Variants in FRMPD4 observed in about 807,000 individuals in gnomAD.
The protein encoded by FRMPD4 is FERM and PDZ domain-containing protein 4.
Under a neutral mutation model 94.1 loss-of-function variants are expected in FRMPD4, and 22 were observed. That is an observed-to-expected ratio of 0.23 (90% CI 0.17 to 0.33). The LOEUF (loss-of-function observed/expected upper bound fraction) is 0.33, where lower values mean the gene tolerates loss of function less well. Among genes scored for constraint, FRMPD4 ranks in the 10% least tolerant of loss-of-function variants. FRMPD4 has a pLI of 1.00. For missense variants in FRMPD4, 1,111 were observed against 1,339.9 expected (o/e 0.83, Z 2.67); for synonymous variants, 631 against 548.6 (o/e 1.15, Z -2.10).
chrX:12,418,078 G>A (rs2056831699), intron 1 of FRMPD4, among the ~76,000 whole-genome samples: 1 of 109,685 alleles, frequency 9.1e-6, no homozygotes, highest in South Asian at 3.9e-4. Flanking sequence ...AGACTCATGG[G>A]GCTCGTGACA....
intron 1 of FRMPD4, among the ~76,000 whole-genome samples, chrX:12,328,591 A>G (rs1250807683): frequency 8.9e-6 from 1 of 112,782 alleles, no homozygotes; most frequent in Non-Finnish European, 1.9e-5. Flanking sequence ...TAAGACAGTG[A>G]AAATTGGAAA....
At chrX:12,033,103 G>A (rs756252215) in intron 3 of FRMPD4, among the ~76,000 whole-genome samples, 1 of 112,428 alleles carries the variant, frequency 8.9e-6, no homozygotes, top group African/African-American at 3.2e-5. Flanking sequence ...TACAGTGGTT[G>A]TCAGCATCTT....
In FRMPD4 at chrX:11,921,471, T is replaced by C. The variant is rs185726368; in HGVS notation, c.95+43453T>C. Reference sequence around the variant, plus strand: ...ATCACATTGGGGGTTAGGGTTTCAATTTATGCATTTGTGGGGGGACATGAT... The same window carrying C: ...ATCACATTGGGGGTTAGGGTTTCAACTTATGCATTTGTGGGGGGACATGAT... On this transcript the variant is annotated intron_variant, in intron 3 of 18. Transcript: ENST00000640291. 4.6e-5 allele frequency among the ~76,000 whole-genome samples: 5 copies of C among 109,841 alleles called. No individual in the cohort carries two copies. In the East Asian group the frequency reaches 1.6e-3, roughly 35 times the overall value.
At chrX:12,613,141 T>C (rs1276486579) in intron 3 of FRMPD4, among the ~76,000 whole-genome samples, 1 of 112,353 alleles carries the variant, frequency 8.9e-6, no homozygotes, top group Non-Finnish European at 1.9e-5. Flanking sequence ...TGTGGAAATA[T>C]AGTTAAAATT....
At chrX:12,538,995 A>G (rs909223730) in intron 2 of FRMPD4, among the ~76,000 whole-genome samples, 2 of 112,149 alleles carry the variant, frequency 1.8e-5, no homozygotes, top group Middle Eastern at 4.6e-3. Flanking sequence ...CTGCGAGCTA[A>G]AGGAGGAAGT....
intron 3 of FRMPD4, among the ~76,000 whole-genome samples, chrX:12,069,924 A>T (rs1368811208): frequency 8.9e-6 from 1 of 111,758 alleles, no homozygotes. Context: ...GATGGAGAAA[A>T]AACGACCTGA....
chrX:12,350,860 GAGA>G (rs2055791520), intron 1 of FRMPD4, among the ~76,000 whole-genome samples: 1 of 112,421 alleles, frequency 8.9e-6, no homozygotes, highest in Non-Finnish European at 1.9e-5. Flanking sequence ...AAAACATTTG[GAGA>G]AGATGTGCTT....
At chrX:11,968,488 C>T (rs2054323633) in intron 3 of FRMPD4, among the ~76,000 whole-genome samples, 1 of 111,546 alleles carries the variant, frequency 9.0e-6, no homozygotes, top group African/African-American at 3.3e-5. Flanking sequence ...TGAACTGCTA[C>T]TGTTTGTAAA....
At chrX:12,055,195 G>T (rs2054847413) in intron 3 of FRMPD4, among the ~76,000 whole-genome samples, 1 of 111,987 alleles carries the variant, frequency 8.9e-6, no homozygotes, top group Non-Finnish European at 1.9e-5. Context: ...ATAAGAGTTT[G>T]CCTGCTTTGG....
chrX:12,120,839 A>AT (rs1475103548), intron 3 of FRMPD4, among the ~76,000 whole-genome samples: 1 of 111,300 alleles, frequency 9.0e-6, no homozygotes, highest in African/African-American at 3.3e-5. Flanking sequence ...CTACCACCAA[A>AT]TAGTGAGAAC....
At chrX:11,978,321 C>CAAAAAAAAAAAAAAAAAAAAAAA (rs1172824155) in intron 3 of FRMPD4, among the ~76,000 whole-genome samples, 1 of 16,355 alleles carries the variant, frequency 6.1e-5, no homozygotes, top group African/African-American at 2.2e-4. Context: ...AACTCCATCT[C>CAAAAAAAAAAAAAAAAAAAAAAA]AAAAAAAAAA....
intron 2 of FRMPD4, among the ~76,000 whole-genome samples, chrX:12,587,335 T>G (rs1421573609): frequency 4.5e-5 from 5 of 111,897 alleles, no homozygotes; most frequent in African/African-American, 1.6e-4. Context: ...CTAGTTACAT[T>G]TAATACATTC....
chrX:12,035,439 A>G (rs1175257708), intron 3 of FRMPD4, among the ~76,000 whole-genome samples: 1 of 111,952 alleles, frequency 8.9e-6, no homozygotes, highest in Non-Finnish European at 1.9e-5. Context: ...GACTCTAGGG[A>G]TCTTTCTATT....
At chrX:12,710,601 A>C in intron 14 of FRMPD4, 64 bp downstream of exon 14, 2 of 1,022,290 alleles carry the variant, frequency 2.0e-6, no homozygotes, top group Non-Finnish European at 2.7e-6. Flanking sequence ...GACAACAATA[A>C]TAAGGATGTT....
chrX:12,340,376 A>AAG (rs112011597), intron 1 of FRMPD4, among the ~76,000 whole-genome samples: 19,839 of 111,291 alleles, frequency 0.18, 4,456 homozygotes, highest in African/African-American at 0.62. Context: ...TATATGAGAG[A>AAG]AGAGAGAGAA....
At chrX:12,694,685 C>T (rs900316093) in intron 9 of FRMPD4, among the ~76,000 whole-genome samples, 1 of 112,119 alleles carries the variant, frequency 8.9e-6, no homozygotes, top group Admixed American at 9.4e-5. Flanking sequence ...CACCCAGATT[C>T]ACCAGTTGTT....
rs748123510 is a variant in FRMPD4, at chrX:11,829,624, T to C, written c.-161+6909T>C. On this transcript the variant is annotated intron_variant, in intron 1 of 18. Coordinates refer to the FRMPD4 transcript ENST00000640291. ...TAGTTTGGAAGGATTAGTGTCCTGC[T>C]TCATAAGTCTATTTTTGAAGATCAG... 2.7e-5 allele frequency among the ~76,000 whole-genome samples: 3 copies of C among 111,591 alleles called. No individual in the cohort carries two copies. The East Asian group carries it at 8.5e-4, about 31-fold the overall frequency.
At chrX:12,256,560 C>G (rs1203009562) in intron 1 of FRMPD4, among the ~76,000 whole-genome samples, 2 of 111,795 alleles carry the variant, frequency 1.8e-5, no homozygotes, top group Non-Finnish European at 3.8e-5. Flanking sequence ...GGGATAATCT[C>G]AAAAGACTAT....
At chrX:12,124,964 G>A (rs16986713) in intron 3 of FRMPD4, among the ~76,000 whole-genome samples, 18,685 of 111,443 alleles carry the variant, frequency 0.17, 1,161 homozygotes, top group South Asian at 0.31. Context: ...TGCATAGTAC[G>A]TTTCCCAACA....
Sources: gnomAD v4.1 joint callset for allele counts (sites outside exome capture counted in the v4.1 genomes callset) on GRCh38, gnomAD v4.1.1 for gene constraint, MANE v1.5 for transcripts, NCBI Gene and HGNC (gene_info 2026-07-23, HGNC 2026-07-21) for gene names.